Variants in DCHS2 observed in about 807,000 individuals in gnomAD.
The protein encoded by DCHS2 is dachsous cadherin-related 2, also known as protocadherin-23.
Under a neutral mutation model 182.4 loss-of-function variants are expected in DCHS2, and 142 were observed. The ratio of observed to expected loss-of-function variants is 0.78; its 90% CI spans 0.68 to 0.89. The LOEUF (loss-of-function observed/expected upper bound fraction) is 0.89, where lower values mean the gene tolerates loss of function less well. Among genes scored for constraint, DCHS2 ranks in the 40% least tolerant of loss-of-function variants. The probability of loss-of-function intolerance (pLI) is 0.00; values close to 1 mark genes in which losing one functional copy is unlikely to be tolerated. For missense variants in DCHS2, 4,319 were observed against 4,198.6 expected, an observed-to-expected ratio of 1.03 and a Z score of -0.79; for synonymous variants, 1,740 against 1,663.3, an observed-to-expected ratio of 1.05 and a Z score of -1.12.
chr4:154,445,466 A>G (rs1393233326), intron 1 of DCHS2, among the ~76,000 whole-genome samples: 1 of 152,122 alleles, frequency 6.6e-6, no homozygotes. Context: ...AGCACCTCCT[A>G]GAAAAGCCTC....
chr4:154,333,251 A>C lies in DCHS2; in HGVS notation c.2957T>G (p.Ile986Ser), dbSNP rs745877049. ...HPAFLRTSDE[I>S]RISQTTPPGT... ...AGGGGGCGTGGTCTGGGATATTCTA[A>C]TCTCATCCGAGGTCCTGAGGAACGC... is the stretch of plus-strand genomic sequence containing the variant. Residue 986 changes from isoleucine (I) to serine (S), a missense_variant, in exon 5 of 20, where the codon ATT becomes AGT. Transcript: ENST00000357232. The C allele has an allele frequency of 6.2e-7, 1 of 1,614,138 alleles. No individual in the cohort carries two copies. Among genetic ancestry groups the C allele is most frequent in the South Asian group, 1.1e-5 (1 of 91,078 alleles).
intron 7 of DCHS2, 63 bp downstream of exon 7, chr4:154,328,030 T>G (rs1370161115): frequency 1.7e-6 from 2 of 1,177,040 alleles, no homozygotes; most frequent in Non-Finnish European, 2.4e-6. Context: ...CAGAAGGGGA[T>G]AGTTGATAAA....
intron 1 of DCHS2, among the ~76,000 whole-genome samples, chr4:154,466,507 T>C (rs1358222882): frequency 2.0e-5 from 3 of 152,136 alleles, no homozygotes; most frequent in East Asian, 1.9e-4. Context: ...CATTACCTCA[T>C]CCCTCGAGAC....
In DCHS2 at chr4:154,490,621, A is replaced by C; in HGVS notation, c.735T>G (p.Pro245=). The part of the protein sequence containing the change: ...LLPGSSSPLE[P]LDLVLLRRLD... ...AGCGCCGCAGCAGCACCAGATCTAG[A>C]GGCTCCAGGGGTGACGAGGAGCCTG... Residue 245 remains proline (P), a synonymous_variant, in exon 1 of 20, where the codon CCT becomes CCG. Coordinates refer to ENST00000357232, the MANE Select transcript of DCHS2 (RefSeq NM_001358235.2). 6.5e-7 allele frequency: 1 copy of C among 1,549,974 alleles called. No individual in the cohort carries two copies. The highest frequency in any genetic ancestry group is 8.7e-7 in the Non-Finnish European group (1 of 1,146,800).
intron 10 of DCHS2, among the ~76,000 whole-genome samples, chr4:154,312,362 C>G (rs6827000): frequency 0.53 from 80,901 of 151,818 alleles, 22,325 homozygotes; most frequent in Admixed American, 0.63. Flanking sequence ...GAAAGAATGA[C>G]GGGGCACGTC....
intron 1 of DCHS2, among the ~76,000 whole-genome samples, chr4:154,402,664 C>T (rs1159394705): frequency 1.3e-5 from 2 of 152,116 alleles, no homozygotes; most frequent in Non-Finnish European, 2.9e-5. Context: ...CTTGCCTTGT[C>T]TCAAATGAGG....
intron 13 of DCHS2, 147 bp from the exon 14 acceptor site, chr4:154,270,160 G>A: frequency 9.6e-7 from 1 of 1,043,000 alleles, no homozygotes; most frequent in Non-Finnish European, 1.3e-6. Flanking sequence ...CAATGAGCCA[G>A]ATCCCATGCT....
At chr4:154,318,848 A>C (rs897981821) in intron 9 of DCHS2, among the ~76,000 whole-genome samples, 2 of 152,154 alleles carry the variant, frequency 1.3e-5, no homozygotes, top group African/African-American at 2.4e-5. Context: ...AGAAAAAAAT[A>C]ATATCGCAAT....
chr4:154,358,590 C>T (rs528756717), intron 3 of DCHS2, among the ~76,000 whole-genome samples: 1 of 152,216 alleles, frequency 6.6e-6, no homozygotes, highest in Admixed American at 6.5e-5. Context: ...GCATGGACAT[C>T]TAGGTTCATT....
At chr4:154,373,718 T>C (rs1259451951) in intron 2 of DCHS2, among the ~76,000 whole-genome samples, 1 of 152,110 alleles carries the variant, frequency 6.6e-6, no homozygotes, top group Non-Finnish European at 1.5e-5. Context: ...GAGGGTTCCC[T>C]CCTGCACACA....
At chr4:154,436,481 A>G (rs1482665932) in intron 1 of DCHS2, among the ~76,000 whole-genome samples, 1 of 152,132 alleles carries the variant, frequency 6.6e-6, no homozygotes, top group Non-Finnish European at 1.5e-5. Flanking sequence ...TTTTCATGTT[A>G]AAAAATACCT....
chr4:154,411,732 G>A (rs1732642221), intron 1 of DCHS2, among the ~76,000 whole-genome samples: 2 of 152,180 alleles, frequency 1.3e-5, no homozygotes, highest in Admixed American at 1.3e-4. Flanking sequence ...ACCAGGTGAA[G>A]GGAAATGGAT....
At chr4:154,289,173 A>G (rs1318151519) in intron 13 of DCHS2, among the ~76,000 whole-genome samples, 1 of 152,094 alleles carries the variant, frequency 6.6e-6, no homozygotes, top group Non-Finnish European at 1.5e-5. Context: ...GAAAAGATAA[A>G]CAAAATCAAC....
intron 10 of DCHS2, among the ~76,000 whole-genome samples, chr4:154,306,470 A>C (rs749162782): frequency 6.6e-6 from 1 of 152,100 alleles, no homozygotes; most frequent in Non-Finnish European, 1.5e-5. Flanking sequence ...CAGGTTGTTA[A>C]AATTTGTTAT....
intron 14 of DCHS2, among the ~76,000 whole-genome samples, chr4:154,263,968 A>G (rs1220169099): frequency 6.6e-6 from 1 of 151,702 alleles, no homozygotes; most frequent in Non-Finnish European, 1.5e-5. Context: ...TTTTTTTTTT[A>G]ACCTTGGTGT....
intron 15 of DCHS2, 151 bp from the exon 16 acceptor site, chr4:154,255,821 C>A: frequency 7.7e-7 from 1 of 1,292,750 alleles, no homozygotes; most frequent in Non-Finnish European, 1.0e-6. Context: ...ACAACTGAAG[C>A]TTACATTTAA....
chr4:154,408,301 G>A (rs1171599454), intron 1 of DCHS2, among the ~76,000 whole-genome samples: 2 of 152,064 alleles, frequency 1.3e-5, no homozygotes, highest in African/African-American at 2.4e-5. Context: ...TAAATATTAT[G>A]ATGGTGCCAG....
chr4:154,490,628 A>G lies in DCHS2; in HGVS notation c.728T>C (p.Leu243Pro), dbSNP rs968678374. The stretch of plus-strand genomic sequence containing the variant: ...CAGCAGCACCAGATCTAGAGGCTCC[A>G]GGGGTGACGAGGAGCCTGGCAAAAG... ...SPLLPGSSSPLEPLDLVLLRR... is the reference protein window; with the variant it reads ...SPLLPGSSSPPEPLDLVLLRR... The change falls in exon 1 of 20, where the codon CTG (leucine) becomes CCG (proline). Residue 243 changes from leucine to proline, a missense_variant. Physicochemically the swap from Leu to Pro is moderately conservative, Grantham distance 98. Coordinates refer to ENST00000357232, the MANE Select transcript of DCHS2 (RefSeq NM_001358235.2). The G allele has an allele frequency of 3.2e-6, 5 of 1,550,354 alleles. No individual in the cohort carries two copies. In the Admixed American group the frequency reaches 5.9e-5, roughly 18 times the overall value.
rs557033839 is a variant in DCHS2, at chr4:154,478,453, T to A, written c.2052+10851A>T. 2.6e-5 allele frequency among the ~76,000 whole-genome samples: 4 copies of A among 152,314 alleles called. No homozygotes were observed. In the East Asian group the frequency reaches 7.7e-4, roughly 29 times the overall value. On this transcript the variant is annotated intron_variant, in intron 1 of 19. Coordinates refer to ENST00000357232, the MANE Select transcript of DCHS2 (RefSeq NM_001358235.2). ...TTACAAGGGGTCCAAAATGGAAGAA[T>A]GGACCTATATGGAGTGAGTTTCCCA...
Sources: allele counts gnomAD v4.1 joint callset (sites outside exome capture counted in the v4.1 genomes callset), GRCh38; gene constraint gnomAD v4.1.1; transcripts MANE v1.5; gene names NCBI Gene and HGNC (gene_info 2026-07-23, HGNC 2026-07-21).